COL28A1: variants seen among roughly 807,000 people sequenced by gnomAD.
COL28A1 encodes collagen alpha-1(XXVIII) chain.
Under a neutral mutation model 150.2 loss-of-function variants are expected in COL28A1, and 161 were observed. The ratio of observed to expected loss-of-function variants is 1.07; its 90% confidence interval spans 0.94 to 1.22. The LOEUF (loss-of-function observed/expected upper bound fraction) is 1.22. Among genes scored for constraint, COL28A1 ranks in the 50% most tolerant of loss-of-function variants. The probability of loss-of-function intolerance (pLI) is 0.00; values close to 1 mark genes in which losing one functional copy is unlikely to be tolerated. For synonymous variants in COL28A1, 552 were observed against 469.7 expected (o/e 1.18, Z -2.26); for missense variants, 1,617 against 1,388.3 (o/e 1.16, Z -2.62).
At chr7:7,339,402 T>C in the COL28A1 span, among the ~76,000 whole-genome samples, 6 of 152,168 alleles carry the variant, frequency 3.9e-5, no homozygotes, top group Non-Finnish European at 8.8e-5. Flanking sequence ...AGTAGACACT[T>C]TTGATATAAA....
intron 33 of COL28A1, among the ~76,000 whole-genome samples, chr7:7,368,389 G>GTTTTTTTTTTTTTTTTTTTTTT (rs34289231): frequency 6.7e-6 from 1 of 150,126 alleles, no homozygotes; most frequent in African/African-American, 2.5e-5. Flanking sequence ...TTTGCCTACT[G>GTTTTTTTTTTTTTTTTTTTTTT]TTTTTTTTGT....
At position 7,489,401 on chromosome 7, in the gene COL28A1, C is replaced by G. The variant is rs1258300949; in HGVS notation, c.1152G>C (p.Glu384Asp). The change falls in exon 13 of 35, where the codon GAG (glutamate) becomes GAC (aspartate). Residue 384 changes from glutamate to aspartate, a missense_variant. Glu to Asp is a conservative substitution (Grantham distance 45, BLOSUM62 2). Coordinates refer to ENST00000399429, the MANE Select transcript of COL28A1 (RefSeq NM_001037763.3). ...TTTTGCTACTTACTGGCTGTCCAGG[C>G]TCACCAACTCCAATGGGTCCTGGAG... ...PGAPGPIGVGEPGQPGPRGPE... is the reference protein window; with the variant it reads ...PGAPGPIGVGDPGQPGPRGPE... 1 of 1,407,506 alleles carries G rather than the reference C, an allele frequency of 7.1e-7. No homozygotes were observed. The highest frequency in any genetic ancestry group is 1.4e-5 in the African/African-American group (1 of 70,994). 87.2% of individuals were successfully genotyped at this position (1,407,506 alleles called of 1,614,324 possible). A position where few individuals can be genotyped will look rare whatever the true frequency, so the allele number is the denominator to read the frequency against.
intron 16 of COL28A1, among the ~76,000 whole-genome samples, chr7:7,455,834 T>TA (rs1787119467): frequency 6.6e-6 from 1 of 152,246 alleles, no homozygotes; most frequent in Admixed American, 6.5e-5. Context: ...AGAAACACAC[T>TA]ACTTATTTTT....
chr7:7,507,321 A>G (rs1316704527), intron 9 of COL28A1, among the ~76,000 whole-genome samples, 160 bp from the exon 10 acceptor site: 1 of 152,240 alleles, frequency 6.6e-6, no homozygotes, highest in East Asian at 1.9e-4. Context: ...TTAACAAGCC[A>G]AGGGGTAGGA....
At chr7:7,464,043 A>G (rs1787853427) in intron 15 of COL28A1, among the ~76,000 whole-genome samples, 1 of 152,246 alleles carries the variant, frequency 6.6e-6, no homozygotes, top group African/African-American at 2.4e-5. Context: ...CTTTAAAGCA[A>G]CAACAGTTTA....
intron 24 of COL28A1, 24 bp from the exon 25 acceptor site, chr7:7,432,565 G>T (rs567494262): frequency 1.2e-6 from 2 of 1,612,788 alleles, no homozygotes; most frequent in Non-Finnish European, 1.7e-6. Context: ...GTAAGGGAGG[G>T]AGTGAGCATC....
chr7:7,448,812 T>C lies in COL28A1; in HGVS notation c.1509+3507A>G, dbSNP rs371675961. Among the ~76,000 whole-genome samples the C allele has an allele frequency of 4.9e-4, 75 of 152,214 alleles. 2 individuals are homozygous for C. In the South Asian group the frequency reaches 0.013, roughly 27 times the overall value. ...GTTCATATATATGCTACAACATGGA[T>C]CTTAGATTTTGCTGCATTAAAAGAA... On this transcript the variant is annotated intron_variant, in intron 18 of 34. Coordinates refer to ENST00000399429, the MANE Select transcript of COL28A1 (RefSeq NM_001037763.3).
At chr7:7,428,560 C>T (rs1474026922) in intron 25 of COL28A1, among the ~76,000 whole-genome samples, 1 of 152,176 alleles carries the variant, frequency 6.6e-6, no homozygotes, top group African/African-American at 2.4e-5. Flanking sequence ...AGAAATGAGA[C>T]GTATGGCATG....
At chr7:7,415,588 C>T (rs933483990) in intron 27 of COL28A1, among the ~76,000 whole-genome samples, 1 of 152,142 alleles carries the variant, frequency 6.6e-6, no homozygotes, top group African/African-American at 2.4e-5. Context: ...GGCAGGAGTG[C>T]AGTGGTGCGA....
the COL28A1 span, among the ~76,000 whole-genome samples, chr7:7,350,675 A>T: frequency 0.073 from 1,417 of 19,400 alleles, 38 homozygotes; most frequent in East Asian, 0.21. Flanking sequence ...TTTTTTTTTT[A>T]AAACCGCTGA....
At chr7:7,532,280 A>G (rs1331343940) in intron 2 of COL28A1, among the ~76,000 whole-genome samples, 5 of 152,136 alleles carry the variant, frequency 3.3e-5, no homozygotes, top group Non-Finnish European at 7.4e-5. Context: ...AGGTTGTGTC[A>G]TATTGGTGAG....
At chr7:7,520,264 T>C in intron 5 of COL28A1, 149 bp from the exon 6 acceptor site, 7 of 498,578 alleles carry the variant, frequency 1.4e-5, no homozygotes, top group South Asian at 8.4e-5. Flanking sequence ...CTCTTCTCCC[T>C]TTTTCTACAC....
intron 11 of COL28A1, among the ~76,000 whole-genome samples, chr7:7,501,203 T>A (rs1780503816): frequency 6.6e-6 from 1 of 152,222 alleles, no homozygotes. Context: ...ACAAATATCC[T>A]GCAGGAATAT....
intron 27 of COL28A1, among the ~76,000 whole-genome samples, chr7:7,389,497 T>A (rs1418024533): frequency 6.6e-6 from 1 of 152,198 alleles, no homozygotes; most frequent in Non-Finnish European, 1.5e-5. Flanking sequence ...TTTGATTCCA[T>A]AAGATATTTA....
rs568588301 is a variant in COL28A1 at position 7,391,685 on chromosome 7, G to C, written c.2137-10073C>G. 1.1e-3 allele frequency among the ~76,000 whole-genome samples: 164 copies of C among 151,928 alleles called. 1 individual carries two copies. The highest frequency in any genetic ancestry group is 3.7e-3 in the African/African-American group (155 of 41,462). The stretch of plus-strand genomic sequence containing the variant: ...CCTGTATTGGGTGCCTATATATTTA[G>C]GTTAGCTCTTCATGTTGCATTGATC... On this transcript the variant is annotated intron_variant, in intron 27 of 34. Coordinates refer to ENST00000399429, the MANE Select transcript of COL28A1 (RefSeq NM_001037763.3).
downstream of COL28A1, among the ~76,000 whole-genome samples, chr7:7,352,696 T>G (rs1780258353): frequency 1.3e-5 from 2 of 152,200 alleles, no homozygotes; most frequent in African/African-American, 4.8e-5. Context: ...ATGGACACTT[T>G]GATTTTAGCC....
intron 9 of COL28A1, among the ~76,000 whole-genome samples, 172 bp downstream of exon 9, chr7:7,510,919 G>T (rs896101044): frequency 6.6e-6 from 1 of 152,150 alleles, no homozygotes; most frequent in Non-Finnish European, 1.5e-5. Flanking sequence ...TTCTATTATT[G>T]AGTTAGGCAT....
At chr7:7,392,926 C>A (rs1782629837) in intron 27 of COL28A1, among the ~76,000 whole-genome samples, 1 of 152,096 alleles carries the variant, frequency 6.6e-6, no homozygotes, top group African/African-American at 2.4e-5. Context: ...ACAACATGCT[C>A]CTTTAGCTCA....
intron 11 of COL28A1, among the ~76,000 whole-genome samples, chr7:7,491,489 T>C (rs1051249296): frequency 6.6e-6 from 1 of 152,248 alleles, no homozygotes; most frequent in African/African-American, 2.4e-5. Context: ...TGCCTTCAAA[T>C]ATTCTGTTTA....
Sources: allele counts gnomAD v4.1 joint callset (sites outside exome capture counted in the v4.1 genomes callset), GRCh38; gene constraint gnomAD v4.1.1; transcripts MANE v1.5; gene names NCBI Gene and HGNC (gene_info 2026-07-23, HGNC 2026-07-21).